Variants in ALK observed in about 807,000 individuals in gnomAD.
ALK encodes the protein ALK tyrosine kinase receptor.
In ALK, 74 loss-of-function variants were observed where a neutral mutation model predicts 163.1. That is an observed-to-expected ratio of 0.45 (90% CI 0.38 to 0.55). The LOEUF is 0.55. Among genes scored for constraint, ALK ranks in the 20% least tolerant of loss-of-function variants. The pLI, the probability that ALK is intolerant of heterozygous loss-of-function variation, is 0.00. For missense variants in ALK, 2,063 were observed against 2,105.3 expected, an observed-to-expected ratio of 0.98 and a Z score of 0.39; for synonymous variants, 960 against 843.2, an observed-to-expected ratio of 1.14 and a Z score of -2.40.
At chr2:29,312,760 AGCAT>A (rs1000574024) in intron 8 of ALK, among the ~76,000 whole-genome samples, 1 of 152,234 alleles carries the variant, frequency 6.6e-6, no homozygotes, top group Admixed American at 6.5e-5. Flanking sequence ...TGCAGAGAAC[AGCAT>A]GTGTGAAAAC....
At chr2:29,547,553 T>G (rs1424238306) in intron 3 of ALK, among the ~76,000 whole-genome samples, 1 of 152,116 alleles carries the variant, frequency 6.6e-6, no homozygotes, top group Non-Finnish European at 1.5e-5. Flanking sequence ...GCAGAGATCG[T>G]GCCACTGCAC....
At chr2:29,461,313 G>A (rs1671078613) in intron 4 of ALK, among the ~76,000 whole-genome samples, 2 of 152,226 alleles carry the variant, frequency 1.3e-5, no homozygotes, top group South Asian at 4.1e-4. Flanking sequence ...ACTGATGAAA[G>A]TGGCTACACT....
At chr2:29,829,936 A>AT (rs1346236671) in intron 1 of ALK, among the ~76,000 whole-genome samples, 1 of 152,204 alleles carries the variant, frequency 6.6e-6, no homozygotes, top group African/African-American at 2.4e-5. Context: ...CTGGGTGAAC[A>AT]TTTGAGATTT....
chr2:29,296,740 TGCACGTGC>T, intron 9 of ALK, 140 bp downstream of exon 9: 14 of 801,002 alleles, frequency 1.7e-5, no homozygotes, highest in Non-Finnish European at 2.9e-5. Context: ...TGTGTGTGTG[TGCACGTGC>T]GTGCACGCGC....
chr2:29,798,433 T>A (rs561952632), intron 1 of ALK, among the ~76,000 whole-genome samples: 2 of 152,398 alleles, frequency 1.3e-5, no homozygotes, highest in South Asian at 4.1e-4. Flanking sequence ...ATTGCTGGAA[T>A]GTGAGTTGTT....
intron 5 of ALK, among the ~76,000 whole-genome samples, chr2:29,381,536 G>C (rs1255980085): frequency 2.0e-5 from 3 of 152,178 alleles, no homozygotes; most frequent in Admixed American, 1.3e-4. Context: ...CCAAGGAAGA[G>C]CTGTGGAGTT....
chr2:29,494,525 G>A (rs1319980583), intron 4 of ALK, among the ~76,000 whole-genome samples: 1 of 152,130 alleles, frequency 6.6e-6, no homozygotes, highest in Non-Finnish European at 1.5e-5. Context: ...CTTAAGGGGT[G>A]GGTGGGGGAG....
intron 25 of ALK, among the ~76,000 whole-genome samples, chr2:29,207,794 A>G (rs180982346): frequency 7.4e-4 from 112 of 152,336 alleles, no homozygotes; most frequent in African/African-American, 2.6e-3. Flanking sequence ...CAGACAAAAG[A>G]ACACAGGGCT....
intron 6 of ALK, among the ~76,000 whole-genome samples, chr2:29,324,199 C>A (rs111627655): frequency 7.2e-5 from 11 of 152,316 alleles, no homozygotes; most frequent in African/African-American, 2.6e-4. Flanking sequence ...CACCTGATTC[C>A]ACTCTAAGAG....
intron 1 of ALK, among the ~76,000 whole-genome samples, chr2:29,881,370 A>G (rs1480665872): frequency 1.3e-5 from 2 of 152,170 alleles, no homozygotes; most frequent in South Asian, 2.1e-4. Context: ...ATTAATTATG[A>G]TCTTCCCTCT....
chr2:29,324,762 T>C (rs539809249), intron 6 of ALK, among the ~76,000 whole-genome samples: 1 of 152,320 alleles, frequency 6.6e-6, no homozygotes, highest in Non-Finnish European at 1.5e-5. Context: ...TTACAGCATC[T>C]GGGATGTCTC....
At chr2:29,406,108 G>C (rs903837402) in intron 4 of ALK, among the ~76,000 whole-genome samples, 1 of 152,218 alleles carries the variant, frequency 6.6e-6, no homozygotes, top group African/African-American at 2.4e-5. Flanking sequence ...TTGAATAATT[G>C]CAGAGCCGAC....
chr2:29,780,984 A>G (rs1681317004), intron 1 of ALK, among the ~76,000 whole-genome samples: 1 of 152,258 alleles, frequency 6.6e-6, no homozygotes, highest in South Asian at 2.1e-4. Flanking sequence ...CAGAAAAGAA[A>G]GAACTACCCT....
At chr2:29,523,858 GTTTTTTTTTTTTTT>G (rs58587837) in intron 4 of ALK, among the ~76,000 whole-genome samples, 3 of 110,952 alleles carry the variant, frequency 2.7e-5, no homozygotes, top group East Asian at 2.7e-4. Flanking sequence ...GAAGCTGAAG[GTTTTTTTTTTTTTT>G]TTTTTTTTTT....
At chr2:29,871,362 A>G (rs1666572637) in intron 1 of ALK, among the ~76,000 whole-genome samples, 1 of 152,192 alleles carries the variant, frequency 6.6e-6, no homozygotes, top group Admixed American at 6.5e-5. Context: ...ACTGGACGGA[A>G]TGTCCTGGAA....
rs11901560 is a variant in ALK at position 29,856,868 on chromosome 2, G to A, written c.667+63125C>T. Among the ~76,000 whole-genome samples, 715 of 152,310 alleles carry A rather than the reference G, an allele frequency of 4.7e-3. 3 individuals carry two copies. The highest frequency in any genetic ancestry group is 0.016 in the African/African-American group (682 of 41,578). ...CTGAGTTAGACAGGGCGCTGAATTG[G>A]ATGACCTCGCAGTTTCTCCCGCCTC... On this transcript the variant is annotated intron_variant, in intron 1 of 28. Transcript: ENST00000389048.
intron 11 of ALK, among the ~76,000 whole-genome samples, chr2:29,270,870 C>T (rs1326698009): frequency 6.6e-6 from 1 of 152,184 alleles, no homozygotes; most frequent in Non-Finnish European, 1.5e-5. Flanking sequence ...CTGGACTTCT[C>T]ACATCTTGGA....
intron 26 of ALK, among the ~76,000 whole-genome samples, chr2:29,201,322 G>A (rs766920016): frequency 7.2e-5 from 11 of 151,996 alleles, no homozygotes; most frequent in Non-Finnish European, 1.3e-4. Context: ...ATGCCCAAAC[G>A]GAACTCCTTC....
intron 3 of ALK, among the ~76,000 whole-genome samples, chr2:29,557,460 T>C (rs1026091578): frequency 6.6e-6 from 1 of 152,196 alleles, no homozygotes; most frequent in African/African-American, 2.4e-5. Context: ...TCCTGGGTCT[T>C]TTGGCAAGAG....
Sources: gnomAD v4.1 joint callset for allele counts (sites outside exome capture counted in the v4.1 genomes callset) on GRCh38, gnomAD v4.1.1 for gene constraint, MANE v1.5 for transcripts, NCBI Gene and HGNC (gene_info 2026-07-23, HGNC 2026-07-21) for gene names.